TP53BP2: variants seen among roughly 807,000 people sequenced by gnomAD.
The protein encoded by TP53BP2 is apoptosis-stimulating of p53 protein 2.
Under a neutral mutation model 126.2 loss-of-function variants are expected in TP53BP2, and 62 were observed. The observed-to-expected ratio is 0.49, with a 90% CI of 0.40 to 0.61. The LOEUF (loss-of-function observed/expected upper bound fraction) is 0.61. TP53BP2 is among the 20% of genes least tolerant of loss of function. The pLI, the probability that TP53BP2 is intolerant of heterozygous loss-of-function variation, is 0.00. For synonymous variants in TP53BP2, 485 were observed against 502.9 expected, an observed-to-expected ratio of 0.96 and a Z score of 0.48; for missense variants, 1,215 against 1,402.8, an observed-to-expected ratio of 0.87 and a Z score of 2.14.
At position 223,784,146 on chromosome 1, in the gene TP53BP2, T is replaced by C; in HGVS notation, c.3332A>G (p.Lys1111Arg). ...CAAGTTACGTGGAACATATCCCTCCTTATCATTAAGGCGCGCCCACCACCA... is the reference window on the plus strand; with the variant it reads ...CAAGTTACGTGGAACATATCCCTCCCTATCATTAAGGCGCGCCCACCACCA... ...IEWWWARLND[K>R]EGYVPRNLLG... The change falls in exon 17 of 18, where the codon AAG becomes AGG. Residue 1111 changes from lysine (K) to arginine (R), a missense_variant. Coordinates refer to ENST00000343537, the MANE Select transcript of TP53BP2 (RefSeq NM_001031685.3). The C allele has an allele frequency of 6.2e-7, 1 of 1,614,172 alleles. No homozygotes were observed. Among genetic ancestry groups the C allele is most frequent in the Non-Finnish European group, 8.5e-7 (1 of 1,180,034 alleles).
In TP53BP2 at chr1:223,784,933, G is replaced by A. The variant is rs917102506; in HGVS notation, c.3164-619C>T. 1.1e-4 allele frequency among the ~76,000 whole-genome samples: 17 copies of A among 152,248 alleles called. 1 individual carries two copies. The highest frequency in any genetic ancestry group is 4.1e-4 in the South Asian group (2 of 4,826). ...AAGAATCCGAATCTTAAAAGATGTC[G>A]AAATCCTCAAACTAGGAAGGGAAAA... is the stretch of plus-strand genomic sequence containing the variant. On this transcript the variant is annotated intron_variant, in intron 16 of 17. Coordinates refer to ENST00000343537, the MANE Select transcript of TP53BP2 (RefSeq NM_001031685.3).
Position 223,799,765 on chromosome 1 carries a change from A to G in TP53BP2, c.1485+134T>C, listed in dbSNP as rs1259029878. The G allele has an allele frequency of 5.1e-6, 4 of 786,088 alleles. No homozygotes were observed. In the East Asian group the frequency reaches 9.2e-5, roughly 18 times the overall value. The allele number at this position is 786,088 out of a possible 1,614,324, so 48.7% of individuals were successfully genotyped here. On this transcript the variant is annotated intron_variant, in intron 11 of 17. Coordinates refer to ENST00000343537, the MANE Select transcript of TP53BP2 (RefSeq NM_001031685.3). ...CACGCAAGAGAAATTAAAATAACAGAATGCTAATGTATTTTCTAATCTCCT... is the reference window on the plus strand; with the variant it reads ...CACGCAAGAGAAATTAAAATAACAGGATGCTAATGTATTTTCTAATCTCCT...
chr1:223,780,901 G>A lies in TP53BP2; in HGVS notation c.3364-7C>T, dbSNP rs761499421. 5.0e-6 allele frequency: 8 copies of A among 1,612,572 alleles called. No individual in the cohort carries two copies. In the South Asian group the frequency reaches 8.8e-5, roughly 18 times the overall value. On this transcript the variant is annotated splice_polypyrimidine_tract_variant and splice_region_variant and intron_variant, in intron 17 of 17. Transcript: ENST00000343537. ...GTTTAATTCTTGGGTACAGCTGCAA[G>A]AGAGTTTAAAAAATTTTACATACTA...
chr1:223,818,766 G>T (rs1254465957), intron 2 of TP53BP2, among the ~76,000 whole-genome samples: 1 of 151,054 alleles, frequency 6.6e-6, no homozygotes, highest in Non-Finnish European at 1.5e-5. Flanking sequence ...TTTAGTAGAG[G>T]CGGGGTTTCA....
At chr1:223,801,179 T>C (rs1161844682) in intron 9 of TP53BP2, among the ~76,000 whole-genome samples, 3 of 152,200 alleles carry the variant, frequency 2.0e-5, no homozygotes, top group Admixed American at 1.3e-4. Flanking sequence ...CAAAAGTAAA[T>C]ATGTGGATCC....
intron 5 of TP53BP2, among the ~76,000 whole-genome samples, chr1:223,804,657 T>C (rs1410802068): frequency 6.6e-6 from 1 of 152,210 alleles, no homozygotes; most frequent in Non-Finnish European, 1.5e-5. Flanking sequence ...GCAACAATTT[T>C]AAAAAGCAGC....
chr1:223,781,060 CGTG>C (rs1317788170), intron 17 of TP53BP2, among the ~76,000 whole-genome samples, 166 bp from the exon 18 acceptor site: 2 of 152,172 alleles, frequency 1.3e-5, no homozygotes, highest in African/African-American at 2.4e-5. Flanking sequence ...CGTTTAGCAA[CGTG>C]GTCATAGCTA....
At chr1:223,834,404 T>C (rs534579313) in intron 1 of TP53BP2, among the ~76,000 whole-genome samples, 153 of 152,300 alleles carry the variant, frequency 1.0e-3, no homozygotes, top group African/African-American at 3.5e-3. Context: ...AACATGAAAC[T>C]AGGTTTCTGA....
chr1:223,793,529 A>C, intron 13 of TP53BP2, 89 bp from the exon 14 acceptor site: 1 of 1,276,672 alleles, frequency 7.8e-7, no homozygotes, highest in South Asian at 2.1e-5. Context: ...TCTCACCTAA[A>C]TTAGTGAGAG....
chr1:223,836,335 T>C (rs1460612239), intron 1 of TP53BP2, among the ~76,000 whole-genome samples: 1 of 152,232 alleles, frequency 6.6e-6, no homozygotes, highest in Non-Finnish European at 1.5e-5. Context: ...GAAGGCCGAA[T>C]GAACCACGAG....
In TP53BP2 at chr1:223,800,788, G is replaced by T. The variant is rs1413237394; in HGVS notation, c.1248C>A (p.Gly416=). The change falls in exon 10 of 18, where the codon GGC becomes GGA. Residue 416 remains glycine (G), a synonymous_variant. Coordinates refer to ENST00000343537, the MANE Select transcript of TP53BP2 (RefSeq NM_001031685.3). ...CTGCATTTGAAGGACTCCAATCAGGGCCAACTGGATGGATTTTAGAGCCTA... is the reference window on the plus strand; with the variant it reads ...CTGCATTTGAAGGACTCCAATCAGGTCCAACTGGATGGATTTTAGAGCCTA... ...QTKGSKIHPV[G]PDWSPSNADL... 1.2e-6 allele frequency: 2 copies of T among 1,607,222 alleles called. No homozygotes were observed. The highest frequency in any genetic ancestry group is 1.7e-6 in the Non-Finnish European group (2 of 1,178,230).
chr1:223,841,010 T>G (rs528681750), intron 1 of TP53BP2, among the ~76,000 whole-genome samples: 2 of 152,300 alleles, frequency 1.3e-5, no homozygotes, highest in South Asian at 4.1e-4. Context: ...CCCAGCACTT[T>G]GGGAGGCCGA....
intron 14 of TP53BP2, 87 bp from the exon 15 acceptor site, chr1:223,792,609 CAGAA>C: frequency 4.5e-6 from 6 of 1,345,058 alleles, no homozygotes; most frequent in Non-Finnish European, 5.2e-6. Context: ...GTCAAGAGGA[CAGAA>C]ATGGACTCTT....
At chr1:223,844,449 T>C (rs1664205872) in intron 1 of TP53BP2, among the ~76,000 whole-genome samples, 1 of 152,170 alleles carries the variant, frequency 6.6e-6, no homozygotes, top group Non-Finnish European at 1.5e-5. Context: ...ATCCAGGAAA[T>C]AAAAATCTTA....
At chr1:223,794,783 T>C (rs1478541329) in intron 13 of TP53BP2, among the ~76,000 whole-genome samples, 3 of 152,242 alleles carry the variant, frequency 2.0e-5, no homozygotes, top group Non-Finnish European at 4.4e-5. Context: ...TTAAAACTTT[T>C]TTTTCTAGCT....
chr1:223,843,229 A>G (rs1259501563), intron 1 of TP53BP2, among the ~76,000 whole-genome samples: 1 of 151,820 alleles, frequency 6.6e-6, no homozygotes, highest in Non-Finnish European at 1.5e-5. Context: ...GCTGGAGTAC[A>G]GTGGTGCCAT....
intron 1 of TP53BP2, among the ~76,000 whole-genome samples, chr1:223,836,019 A>G (rs993924744): frequency 6.6e-6 from 1 of 152,194 alleles, no homozygotes; most frequent in Admixed American, 6.5e-5. Context: ...AGGACCATCT[A>G]GGGAGAGAAA....
At chr1:223,841,833 G>A (rs976805789) in intron 1 of TP53BP2, among the ~76,000 whole-genome samples, 1 of 151,610 alleles carries the variant, frequency 6.6e-6, no homozygotes, top group South Asian at 2.1e-4. Context: ...AGCACTGAAA[G>A]ATAAAATGCC....
At chr1:223,821,947 A>G (rs1663327921) in intron 1 of TP53BP2, among the ~76,000 whole-genome samples, 1 of 150,386 alleles carries the variant, frequency 6.6e-6, no homozygotes, top group African/African-American at 2.5e-5. Flanking sequence ...GCTGGAGCAC[A>G]GTGGCATGAT....
Sources: gnomAD v4.1 joint callset for allele counts (sites outside exome capture counted in the v4.1 genomes callset) on GRCh38, gnomAD v4.1.1 for gene constraint, MANE v1.5 for transcripts, NCBI Gene and HGNC (gene_info 2026-07-23, HGNC 2026-07-21) for gene names.